The following ATRNL1 variants were observed in gnomAD, a reference collection of about 807,000 sequenced individuals.
The protein encoded by ATRNL1 is attractin like 1, also known as attractin-like protein 1.
ATRNL1 carries 95 observed loss-of-function variants against 182.7 expected under a neutral mutation model. That is an observed-to-expected ratio of 0.52 (90% confidence interval 0.44 to 0.62). The LOEUF is 0.62. ATRNL1 is among the 20% of genes least tolerant of loss of function. The pLI, the probability that ATRNL1 is intolerant of heterozygous loss-of-function variation, is 0.00. For synonymous variants in ATRNL1, 576 were observed against 568.3 expected (o/e 1.01, Z -0.19); for missense variants, 1,471 against 1,679.5 (o/e 0.88, Z 2.17).
intron 9 of ATRNL1, among the ~76,000 whole-genome samples, chr10:115,235,890 AAG>A (rs1279620949): frequency 6.6e-6 from 1 of 152,134 alleles, no homozygotes; most frequent in Non-Finnish European, 1.5e-5. Context: ...TCTCACTAGA[AAG>A]AGTTATTAGT....
At chr10:115,329,483 A>G (rs1855094399) in intron 18 of ATRNL1, among the ~76,000 whole-genome samples, 2 of 152,178 alleles carry the variant, frequency 1.3e-5, no homozygotes, top group South Asian at 4.1e-4. Context: ...TTGGGTGTTA[A>G]CATTCCCCTA....
At chr10:115,195,983 C>T (rs187645332) in intron 8 of ATRNL1, among the ~76,000 whole-genome samples, 2 of 152,006 alleles carry the variant, frequency 1.3e-5, no homozygotes, top group South Asian at 2.1e-4. Flanking sequence ...ATATATTGTG[C>T]GAAGTAAGGG....
At chr10:115,549,565 T>A (rs568233138) in intron 26 of ATRNL1, 29 bp downstream of exon 26, 2 of 1,481,356 alleles carry the variant, frequency 1.4e-6, no homozygotes, top group South Asian at 1.3e-5. Context: ...AATCTTTTGT[T>A]TAAAGATTTA....
chr10:115,635,962 T>C (rs1555027958), intron 26 of ATRNL1, among the ~76,000 whole-genome samples: 1 of 152,162 alleles, frequency 6.6e-6, no homozygotes, highest in African/African-American at 2.4e-5. Flanking sequence ...CTAATCAGTA[T>C]GTTATGTCAG....
chr10:115,793,595 A>G (rs1214203608), intron 27 of ATRNL1, among the ~76,000 whole-genome samples: 1 of 152,142 alleles, frequency 6.6e-6, no homozygotes, highest in East Asian at 1.9e-4. Flanking sequence ...TAATAAAAAC[A>G]TGGAAAGTAG....
intron 27 of ATRNL1, among the ~76,000 whole-genome samples, chr10:115,773,229 A>C (rs981513143): frequency 6.6e-6 from 1 of 152,154 alleles, no homozygotes; most frequent in Non-Finnish European, 1.5e-5. Context: ...ATTCCCAAAA[A>C]ATTTCTCCTA....
At chr10:115,169,017 C>CT (rs71010011) in intron 7 of ATRNL1, among the ~76,000 whole-genome samples, 3,195 of 104,194 alleles carry the variant, frequency 0.031, 61 homozygotes, top group Non-Finnish European at 0.043. Flanking sequence ...GGTGCAAGTT[C>CT]TTTTTTTTTT....
chr10:115,281,977 C>A (rs1852381560), intron 14 of ATRNL1, among the ~76,000 whole-genome samples: 1 of 146,074 alleles, frequency 6.8e-6, no homozygotes, highest in South Asian at 2.1e-4. Context: ...TATATATTTT[C>A]CCTCTCCATA....
intron 26 of ATRNL1, among the ~76,000 whole-genome samples, chr10:115,560,511 T>C (rs1554999108): frequency 6.6e-6 from 1 of 152,084 alleles, no homozygotes. Context: ...TTGAAAGAAA[T>C]TAAAGAAGAC....
intron 28 of ATRNL1, among the ~76,000 whole-genome samples, chr10:115,939,894 T>G (rs149185376): frequency 1.3e-5 from 2 of 152,216 alleles, no homozygotes; most frequent in African/African-American, 4.8e-5. Flanking sequence ...GTGCCAAAAA[T>G]GGCAACACAA....
chr10:115,425,620 T>C (rs1450604495), intron 20 of ATRNL1, among the ~76,000 whole-genome samples: 1 of 152,038 alleles, frequency 6.6e-6, no homozygotes, highest in African/African-American at 2.4e-5. Context: ...GATGCGCATA[T>C]GTTCTTTCAC....
chr10:115,532,900 A>G (rs1851684728), intron 25 of ATRNL1, among the ~76,000 whole-genome samples: 1 of 151,898 alleles, frequency 6.6e-6, no homozygotes, highest in Admixed American at 6.6e-5. Context: ...GGTTCTGTTT[A>G]TATGCTGGAT....
At chr10:115,406,598 C>T (rs1844839797) in intron 20 of ATRNL1, among the ~76,000 whole-genome samples, 1 of 152,018 alleles carries the variant, frequency 6.6e-6, no homozygotes, top group African/African-American at 2.4e-5. Flanking sequence ...TTAAAAAATT[C>T]CTTAGTTCTT....
intron 8 of ATRNL1, among the ~76,000 whole-genome samples, chr10:115,190,662 G>T (rs1848133949): frequency 6.6e-6 from 1 of 152,046 alleles, no homozygotes; most frequent in African/African-American, 2.4e-5. Flanking sequence ...GATCAAATCA[G>T]GGTAATTGGG....
chr10:115,408,499 T>G (rs1554958969), intron 20 of ATRNL1, among the ~76,000 whole-genome samples: 1 of 152,248 alleles, frequency 6.6e-6, no homozygotes, highest in Non-Finnish European at 1.5e-5. Context: ...ATGAATAGTT[T>G]GCAACCCATT....
chr10:115,912,922 G>T (rs1952727526), intron 28 of ATRNL1, among the ~76,000 whole-genome samples: 1 of 152,122 alleles, frequency 6.6e-6, no homozygotes, highest in African/African-American at 2.4e-5. Context: ...TACTAACCGT[G>T]TGGCCATGGC....
At chr10:115,108,368 T>A (rs1285348561) in intron 1 of ATRNL1, among the ~76,000 whole-genome samples, 2 of 151,552 alleles carry the variant, frequency 1.3e-5, no homozygotes, top group Non-Finnish European at 2.9e-5. Flanking sequence ...GGTTTAGGAG[T>A]AGAGGTTTAA....
At position 115,561,704 on chromosome 10, in the gene ATRNL1, G is replaced by GTGTGTGTGTGTGTGTGTGT. The variant is rs1554999746; in HGVS notation, c.3795+12168_3795+12169insTGTGTGTGTGTGTGTGTGT. On this transcript the variant is annotated intron_variant, in intron 26 of 28. Coordinates refer to ENST00000355044, the MANE Select transcript of ATRNL1 (RefSeq NM_207303.4). ...GTGTGTGTGTGGGTGTGTGTGTGTG[G>GTGTGTGTGTGTGTGTGTGT]GTGTGTGTGTGTGTGTGTGTTTGTG... is the stretch of plus-strand genomic sequence containing the variant. 2.4e-4 allele frequency among the ~76,000 whole-genome samples: 35 copies of GTGTGTGTGTGTGTGTGTGT among 145,032 alleles called. 2 individuals are homozygous for GTGTGTGTGTGTGTGTGTGT. Among genetic ancestry groups the GTGTGTGTGTGTGTGTGTGT allele is most frequent in the African/African-American group, 8.6e-4 (33 of 38,536 alleles).
intron 8 of ATRNL1, among the ~76,000 whole-genome samples, chr10:115,196,134 C>T (rs1169043596): frequency 6.6e-6 from 1 of 152,056 alleles, no homozygotes; most frequent in Non-Finnish European, 1.5e-5. Context: ...GCACTACAGC[C>T]TGTCATTTAG....
Sources: allele counts gnomAD v4.1 joint callset (sites outside exome capture counted in the v4.1 genomes callset), GRCh38; gene constraint gnomAD v4.1.1; transcripts MANE v1.5; gene names NCBI Gene and HGNC (gene_info 2026-07-23, HGNC 2026-07-21).